The following ANKHD1 variants were observed in gnomAD, a reference collection of about 807,000 sequenced individuals.
ANKHD1 encodes ankyrin repeat and KH domain containing 1.
In ANKHD1, 31 loss-of-function variants were observed where a neutral mutation model predicts 230.5. The ratio of observed to expected loss-of-function variants is 0.13; its 90% confidence interval spans 0.10 to 0.18. The LOEUF is 0.18. ANKHD1 is among the 10% of genes least tolerant of loss of function. The pLI is 1.00. For missense variants in ANKHD1, 2,256 were observed against 3,071.3 expected, an observed-to-expected ratio of 0.73 and a Z score of 6.27; for synonymous variants, 1,074 against 1,117.6, an observed-to-expected ratio of 0.96 and a Z score of 0.78.
At chr5:140,446,423 C>T (rs184331527) in intron 6 of ANKHD1, among the ~76,000 whole-genome samples, 13 of 152,050 alleles carry the variant, frequency 8.5e-5, no homozygotes, top group South Asian at 2.1e-4. Context: ...TGCAGTGGCG[C>T]GAACTCAGCC....
chr5:140,493,941 T>A, intron 14 of ANKHD1, among the ~76,000 whole-genome samples: 1 of 152,228 alleles, frequency 6.6e-6, no homozygotes, highest in East Asian at 1.9e-4. Flanking sequence ...AGTGGGGTCA[T>A]AACATAATTA....
chr5:140,474,691 G>A (rs1750869232), intron 10 of ANKHD1, among the ~76,000 whole-genome samples: 1 of 149,898 alleles, frequency 6.7e-6, no homozygotes, highest in African/African-American at 2.5e-5. Flanking sequence ...TGAACTCCTG[G>A]GCTCATGGCA....
chr5:140,497,844 A>G (rs559489952), intron 15 of ANKHD1, among the ~76,000 whole-genome samples: 1 of 150,446 alleles, frequency 6.6e-6, no homozygotes, highest in African/African-American at 2.4e-5. Flanking sequence ...TTTTGCATTA[A>G]CTTTCTTAAT....
At chr5:140,538,746 C>T (rs988901428) in intron 32 of ANKHD1, among the ~76,000 whole-genome samples, 173 bp from the exon 33 acceptor site, 3 of 152,156 alleles carry the variant, frequency 2.0e-5, no homozygotes, top group Non-Finnish European at 4.4e-5. Flanking sequence ...AAAAGCTTTG[C>T]AGATGCAGAT....
intron 4 of ANKHD1, 21 bp from the exon 5 acceptor site, chr5:140,440,970 CTCTG>C: frequency 1.3e-6 from 2 of 1,519,152 alleles, no homozygotes; most frequent in Non-Finnish European, 1.8e-6. Context: ...TTAACAATTT[CTCTG>C]TCTGTATATG....
intron 29 of ANKHD1, among the ~76,000 whole-genome samples, chr5:140,532,377 G>A (rs533424553): frequency 6.6e-6 from 1 of 152,222 alleles, no homozygotes; most frequent in Non-Finnish European, 1.5e-5. Flanking sequence ...GTAGATTAGT[G>A]GTTACCTAGG....
Position 140,513,381 on chromosome 5 carries a change from C to T in ANKHD1, c.4219C>T (p.His1407Tyr). Residue 1407 changes from histidine (H) to tyrosine (Y), a missense_variant, in exon 24 of 34, where the codon CAT becomes TAT. Physicochemically the swap from His to Tyr is moderately conservative, Grantham distance 83 (BLOSUM62 2). Transcript: ENST00000360839. Reference sequence around the variant, plus strand: ...GCTGTAGGAACTGTTGAAAAAATGTCATCAATGTGTCGAAACCATTGTGAA... The same window carrying T: ...GCTGTAGGAACTGTTGAAAAAATGTTATCAATGTGTCGAAACCATTGTGAA... ...ITDKELLKKC[H>Y]QCVETIVKAK... 6.2e-7 allele frequency: 1 copy of T among 1,610,106 alleles called. No homozygotes were observed. Among genetic ancestry groups the T allele is most frequent in the Non-Finnish European group, 8.5e-7 (1 of 1,178,412 alleles).
intron 11 of ANKHD1, among the ~76,000 whole-genome samples, chr5:140,484,163 C>G (rs950561731): frequency 6.6e-6 from 1 of 152,146 alleles, no homozygotes; most frequent in Non-Finnish European, 1.5e-5. Flanking sequence ...TGGATATTTT[C>G]TGAAAATTAG....
chr5:140,471,123 G>C (rs1776462659), intron 10 of ANKHD1, among the ~76,000 whole-genome samples: 1 of 152,094 alleles, frequency 6.6e-6, no homozygotes, highest in South Asian at 2.1e-4. Flanking sequence ...TGTCATGTCA[G>C]TAATCAAAAA....
chr5:140,534,528 T>A (rs190742502), intron 29 of ANKHD1, among the ~76,000 whole-genome samples: 1 of 152,332 alleles, frequency 6.6e-6, no homozygotes, highest in East Asian at 1.9e-4. Context: ...CCTGTGAGTA[T>A]ACTAAAATCC....
intron 7 of ANKHD1, among the ~76,000 whole-genome samples, chr5:140,456,284 C>A (rs1039527407): frequency 1.8e-4 from 27 of 152,280 alleles, no homozygotes; most frequent in Middle Eastern, 6.8e-3. Flanking sequence ...GGCCATACTG[C>A]CCAAAGTAAT....
At chr5:140,417,810 A>G (rs1771522078) in intron 1 of ANKHD1, among the ~76,000 whole-genome samples, 2 of 149,816 alleles carry the variant, frequency 1.3e-5, no homozygotes, top group African/African-American at 4.9e-5. Context: ...TAAGAATAGT[A>G]CAAGGAACTT....
intron 14 of ANKHD1, among the ~76,000 whole-genome samples, chr5:140,491,160 A>ATATATTTTT (rs1282293062): frequency 4.4e-5 from 2 of 45,660 alleles, no homozygotes; most frequent in Admixed American, 3.9e-4. Context: ...ATATATATAT[A>ATATATTTTT]TTTTTTTTTT....
At chr5:140,477,952 C>T (rs1048459649) in intron 10 of ANKHD1, among the ~76,000 whole-genome samples, 2 of 152,100 alleles carry the variant, frequency 1.3e-5, no homozygotes, top group Non-Finnish European at 2.9e-5. Context: ...AGAGGCAATA[C>T]AGTAAAAATT....
chr5:140,465,180 G>A (rs1775998551), intron 10 of ANKHD1: 1 of 153,368 alleles, frequency 6.5e-6, no homozygotes, highest in Admixed American at 6.5e-5. Flanking sequence ...GGTACAGAGT[G>A]ATATTTCAAT....
At chr5:140,404,983 G>C (rs1188122265) in intron 1 of ANKHD1, among the ~76,000 whole-genome samples, 2 of 146,528 alleles carry the variant, frequency 1.4e-5, no homozygotes, top group Admixed American at 1.4e-4. Flanking sequence ...GTGTGTGTGT[G>C]TGTGTGTGTG....
At chr5:140,416,352 G>A (rs1771390698) in intron 1 of ANKHD1, among the ~76,000 whole-genome samples, 1 of 152,188 alleles carries the variant, frequency 6.6e-6, no homozygotes, top group Admixed American at 6.6e-5. Flanking sequence ...AGATCCTTGA[G>A]GAATCGCCAA....
Position 140,441,137 on chromosome 5 carries a change from C to T in ANKHD1, c.908C>T (p.Ala303Val), listed in dbSNP as rs983882539. Residue 303 changes from alanine (A) to valine (V), a missense_variant, in exon 5 of 34, where the codon GCA becomes GTA. Physicochemically the swap from Ala to Val is moderately conservative, Grantham distance 64. This residue lies in a region of ANKHD1 where 206 missense variants were observed against 304.5 expected (regional missense o/e 0.68). Transcript: ENST00000360839. Reference sequence around the variant, plus strand: ...GATGCTGATGTCAACTCCCAGTCTGCAACAGGTATGTAGAAAATGATGTAT... The same window carrying T: ...GATGCTGATGTCAACTCCCAGTCTGTAACAGGTATGTAGAAAATGATGTAT... ...LHDADVNSQS[A>V]TGNTALTYAC... 1.9e-6 allele frequency: 3 copies of T among 1,585,560 alleles called. No individual in the cohort carries two copies. Among genetic ancestry groups the T allele is most frequent in the Non-Finnish European group, 2.6e-6 (3 of 1,168,446 alleles).
chr5:140,496,698 A>C lies in ANKHD1; in HGVS notation c.2424A>C (p.Gln808His), dbSNP rs781044531. Residue 808 changes from glutamine to histidine, a missense_variant, in exon 15 of 34, where the codon CAA becomes CAC. By Grantham distance (24) the Gln-to-His change is conservative (BLOSUM62 0). This residue lies in a region of ANKHD1 where 358 missense variants were observed against 397.7 expected (regional missense o/e 0.90). Coordinates refer to ENST00000360839, the MANE Select transcript of ANKHD1 (RefSeq NM_017747.3). The stretch of plus-strand genomic sequence containing the variant: ...AGCTTAAGTCACTGGAGTTAATTCA[A>C]GGTGAACCTCTGAACAAAGATAAGA... ...KAQLKSLELIQGEPLNKDKIE... is the reference protein window; with the variant it reads ...KAQLKSLELIHGEPLNKDKIE... 1 of 1,614,104 alleles carries C rather than the reference A, an allele frequency of 6.2e-7. No homozygotes were observed. Among genetic ancestry groups the C allele is most frequent in the Non-Finnish European group, 8.5e-7 (1 of 1,180,018 alleles).
Sources: allele counts gnomAD v4.1 joint callset (sites outside exome capture counted in the v4.1 genomes callset), GRCh38; gene constraint gnomAD v4.1.1; regional missense constraint gnomAD v4.1.1; transcripts MANE v1.5; gene names NCBI Gene and HGNC (gene_info 2026-07-23, HGNC 2026-07-21).